APLP2: variants seen among roughly 807,000 people sequenced by gnomAD.
APLP2 encodes the protein amyloid beta precursor like protein 2, also known as CDEI box-binding protein.
A neutral mutation model predicts 89.9 loss-of-function variants in APLP2; 53 were observed. That is an observed-to-expected ratio of 0.59 (90% confidence interval 0.47 to 0.74). The LOEUF is 0.74. Ranked by LOEUF, APLP2 falls within the 30% of genes least tolerant of loss-of-function variation. APLP2 has a pLI of 0.00. For synonymous variants in APLP2, 372 were observed against 348.6 expected (o/e 1.07, Z -0.75); for missense variants, 973 against 975.9 (o/e 1.00, Z 0.04).
chr11:130,141,299 C>T lies in APLP2; in HGVS notation c.1924-199C>T, dbSNP rs1190732837. The T allele has an allele frequency of 1.7e-6, 1 of 582,044 alleles. No homozygotes were observed. Among genetic ancestry groups the T allele is most frequent in the Non-Finnish European group, 3.1e-6 (1 of 325,858 alleles). 36.1% of individuals were successfully genotyped at this position (582,044 alleles called of 1,614,324 possible). On this transcript the variant is annotated intron_variant, in intron 14 of 16. Transcript: ENST00000338167. This position sits in a 1 kb window ranked among gnomAD's most constrained non-coding sequence, Gnocchi z 4.2. ...ACGGGACCAGCTGCCATAATATAGT[C>T]TTCCCTCCATACCTGCCCCTTCATT...
chr11:130,118,024 C>T (rs1213032369), intron 3 of APLP2, among the ~76,000 whole-genome samples: 1 of 149,758 alleles, frequency 6.7e-6, no homozygotes, highest in African/African-American at 2.5e-5. Flanking sequence ...TTGTAGTGAG[C>T]TGAGATTGCG....
At chr11:130,086,924 C>T (rs368295465) in intron 1 of APLP2, among the ~76,000 whole-genome samples, 15 of 151,132 alleles carry the variant, frequency 9.9e-5, no homozygotes, top group East Asian at 1.9e-4. Context: ...ATGAGTCTTC[C>T]GTCTCAAGAT....
chr11:130,140,513 G>C (rs568318118), intron 14 of APLP2, 30 bp downstream of exon 14: 1 of 1,563,782 alleles, frequency 6.4e-7, no homozygotes, highest in Non-Finnish European at 8.7e-7. Context: ...TGCCCAACAC[G>C]CTTTACTTTT....
chr11:130,126,529 G>T (rs1377904881), intron 7 of APLP2, among the ~76,000 whole-genome samples, 171 bp from the exon 8 acceptor site: 1 of 152,206 alleles, frequency 6.6e-6, no homozygotes, highest in Non-Finnish European at 1.5e-5. Flanking sequence ...GTGTAAGGAA[G>T]ATTGCCCACT....
chr11:130,133,936 T>C (rs1479659131), intron 12 of APLP2, among the ~76,000 whole-genome samples: 2 of 152,216 alleles, frequency 1.3e-5, no homozygotes, highest in Non-Finnish European at 2.9e-5. Flanking sequence ...CTGTGAGCCA[T>C]GGAGCCTCGG....
At chr11:130,087,767 C>A (rs1293459457) in intron 1 of APLP2, among the ~76,000 whole-genome samples, 1 of 152,070 alleles carries the variant, frequency 6.6e-6, no homozygotes, top group East Asian at 1.9e-4. Context: ...GAATGTTTTT[C>A]CGTCTAGCCA....
At chr11:130,082,608 G>C (rs1943367704) in intron 1 of APLP2, 2 of 154,522 alleles carry the variant, frequency 1.3e-5, no homozygotes, top group Admixed American at 6.5e-5. Flanking sequence ...TGGAACCACT[G>C]TAGGCCCCGA....
At chr11:130,090,804 C>G (rs71505999) in intron 1 of APLP2, among the ~76,000 whole-genome samples, 3 of 152,130 alleles carry the variant, frequency 2.0e-5, no homozygotes, top group African/African-American at 7.2e-5. Flanking sequence ...GGGTGGTGGC[C>G]GGGCAGAGGG....
rs73583461 is a variant in APLP2 at position 130,085,822 on chromosome 11, T to C, written c.105+15740T>C. ...CTCAAGTAAGTGAAATCATAAAATATGTCCTTTTGAGTTTGGTGTATTTAG... is the reference window on the plus strand; with the variant it reads ...CTCAAGTAAGTGAAATCATAAAATACGTCCTTTTGAGTTTGGTGTATTTAG... On this transcript the variant is annotated intron_variant, in intron 1 of 16. Transcript: ENST00000338167. Among the ~76,000 whole-genome samples, 632 of 152,300 alleles carry C rather than the reference T, an allele frequency of 4.1e-3. 5 individuals carry two copies. Among genetic ancestry groups the C allele is most frequent in the African/African-American group, 0.015 (606 of 41,560 alleles).
intron 3 of APLP2, among the ~76,000 whole-genome samples, chr11:130,110,945 A>G (rs1948472526): frequency 6.6e-6 from 1 of 152,120 alleles, no homozygotes; most frequent in Non-Finnish European, 1.5e-5. Context: ...ACATTGTTTG[A>G]TATCAGTGGT....
rs1426267956 is a variant in APLP2 at position 130,140,403 on chromosome 11, G to A, written c.1843G>A (p.Gly615Arg). ...CATGATCTCTCTCCACACAGGATCT[G>A]GAGTGGGAGAGCAGGATGGGGGACT... ...FPALPENEGS[G>R]VGEQDGGLIG... Residue 615 changes from glycine to arginine, a missense_variant, in exon 14 of 17, where the codon GGA (glycine) becomes AGA (arginine). Coordinates refer to ENST00000338167, the MANE Select transcript of APLP2 (RefSeq NM_001142276.2). 4 of 1,607,254 alleles carry A rather than the reference G, an allele frequency of 2.5e-6. No individual in the cohort carries two copies. The highest frequency in any genetic ancestry group is 3.4e-6 in the Non-Finnish European group (4 of 1,176,942).
intron 3 of APLP2, among the ~76,000 whole-genome samples, chr11:130,119,121 C>T (rs1949536946): frequency 6.6e-6 from 1 of 152,174 alleles, no homozygotes; most frequent in South Asian, 2.1e-4. Flanking sequence ...TGTAGACTTC[C>T]CACTAGCTGG....
intron 1 of APLP2, among the ~76,000 whole-genome samples, chr11:130,078,033 T>C (rs1183601428): frequency 6.6e-6 from 1 of 152,234 alleles, no homozygotes; most frequent in Non-Finnish European, 1.5e-5. Flanking sequence ...AAATAAAACA[T>C]GGCCAGTATC....
intron 11 of APLP2, among the ~76,000 whole-genome samples, chr11:130,132,723 C>T (rs1437000075): frequency 1.3e-5 from 2 of 151,942 alleles, no homozygotes; most frequent in Non-Finnish European, 2.9e-5. Flanking sequence ...ATTTATACCT[C>T]AGCATGAGTT....
chr11:130,116,369 C>T (rs1469643846), intron 3 of APLP2, among the ~76,000 whole-genome samples: 1 of 152,046 alleles, frequency 6.6e-6, no homozygotes. Flanking sequence ...TATGTATCAT[C>T]ATTTAATTAA....
chr11:130,089,877 T>G (rs929888195), intron 1 of APLP2, among the ~76,000 whole-genome samples: 2 of 152,230 alleles, frequency 1.3e-5, no homozygotes, highest in African/African-American at 4.8e-5. Context: ...ACCAGTCATA[T>G]TGGATTAAGG....
intron 1 of APLP2, among the ~76,000 whole-genome samples, chr11:130,100,867 T>G (rs1946816771): frequency 6.6e-6 from 1 of 152,246 alleles, no homozygotes; most frequent in Non-Finnish European, 1.5e-5. Flanking sequence ...CCAAGAATTT[T>G]CCATTCATGT....
chr11:130,138,235 T>C (rs959889512), intron 13 of APLP2, among the ~76,000 whole-genome samples: 2 of 152,226 alleles, frequency 1.3e-5, no homozygotes. Flanking sequence ...GTTGCCCGGC[T>C]AAGAAGGTGG....
intron 6 of APLP2, among the ~76,000 whole-genome samples, chr11:130,122,989 G>A (rs756873496): frequency 5.9e-5 from 9 of 151,774 alleles, no homozygotes; most frequent in Non-Finnish European, 1.3e-4. Flanking sequence ...ATTGGGGCCT[G>A]CAGTTTTTTT....
Sources: gnomAD v4.1 joint callset for allele counts (sites outside exome capture counted in the v4.1 genomes callset) on GRCh38, gnomAD v4.1.1 for gene constraint, Gnocchi (gnomAD v3.1) non-coding constraint, MANE v1.5 for transcripts, NCBI Gene and HGNC (gene_info 2026-07-23, HGNC 2026-07-21) for gene names.